UBE2R2: variants seen among roughly 807,000 people sequenced by gnomAD.
The protein encoded by UBE2R2 is ubiquitin-conjugating enzyme E2 R2.
In UBE2R2, 1 loss-of-function variant was observed where a neutral mutation model predicts 27.8. That is an observed-to-expected ratio of 0.04 (90% confidence interval 0.01 to 0.17). The LOEUF (loss-of-function observed/expected upper bound fraction) is 0.17. Among genes scored for constraint, UBE2R2 ranks in the 10% least tolerant of loss-of-function variants. UBE2R2 has a pLI of 1.00. For missense variants in UBE2R2, 100 were observed against 291.0 expected, an observed-to-expected ratio of 0.34 and a Z score of 4.78; for synonymous variants, 106 against 113.3, an observed-to-expected ratio of 0.94 and a Z score of 0.41.
intron 2 of UBE2R2, among the ~76,000 whole-genome samples, chr9:33,896,173 G>T (rs894489530): frequency 2.6e-5 from 4 of 152,018 alleles, no homozygotes; most frequent in African/African-American, 9.7e-5. Context: ...ACTGAGTTTT[G>T]ATTATGTATC....
chr9:33,900,998 C>T (rs904328493), intron 3 of UBE2R2, among the ~76,000 whole-genome samples: 1 of 152,150 alleles, frequency 6.6e-6, no homozygotes, highest in African/African-American at 2.4e-5. Flanking sequence ...TCCCGTCACC[C>T]AGACTGGTGT....
chr9:33,873,045 G>A (rs1207573517), intron 1 of UBE2R2, among the ~76,000 whole-genome samples: 1 of 151,456 alleles, frequency 6.6e-6, no homozygotes, highest in Admixed American at 6.6e-5. Context: ...TGTGGTGGCA[G>A]GCACCTGTAA....
intron 4 of UBE2R2, among the ~76,000 whole-genome samples, chr9:33,915,670 T>G (rs10971790): frequency 0.21 from 31,499 of 152,164 alleles, 3,966 homozygotes; most frequent in East Asian, 0.59. Flanking sequence ...ACAATCAGTA[T>G]TTATTGCACA....
At position 33,903,099 on chromosome 9, in the gene UBE2R2, C is replaced by CA. The variant is rs760691175; in HGVS notation, c.362+2841dup. 9.7e-3 allele frequency among the ~76,000 whole-genome samples: 1,291 copies of CA among 133,368 alleles called. 11 individuals are homozygous for CA. The highest frequency in any genetic ancestry group is 0.015 in the Non-Finnish European group (933 of 60,644). 87.5% of individuals were successfully genotyped at this position (133,368 alleles called of 152,430 possible). On this transcript the variant is annotated intron_variant, in intron 3 of 4. Coordinates refer to ENST00000263228, the MANE Select transcript of UBE2R2 (RefSeq NM_017811.4). The stretch of plus-strand genomic sequence containing the variant: ...GGGCAACAAGAGTGAAACGCTGTCT[C>CA]AAAAAAAAAAAAAGTCTGAGTTTTA...
At chr9:33,890,383 A>G (rs1410695824) in intron 2 of UBE2R2, among the ~76,000 whole-genome samples, 1 of 152,144 alleles carries the variant, frequency 6.6e-6, no homozygotes, top group East Asian at 1.9e-4. Context: ...CCTGGTCAAC[A>G]TGGTGAAACC....
Position 33,895,768 on chromosome 9 carries a change from C to CTTTTTTT in UBE2R2, c.265-4390_265-4384dup, listed in dbSNP as rs776870484. Among the ~76,000 whole-genome samples, 47 of 90,242 alleles carry CTTTTTTT rather than the reference C, an allele frequency of 5.2e-4. 1 individual carries two copies. Among genetic ancestry groups the CTTTTTTT allele is most frequent in the African/African-American group, 5.5e-4 (12 of 21,974 alleles). 59.2% of individuals were successfully genotyped at this position (90,242 alleles called of 152,430 possible). A position where few individuals can be genotyped will look rare whatever the true frequency, so the allele number is the denominator to read the frequency against. ...GACTAGATTTATTCTCTCTCTCTCT[C>CTTTTTTT]TTTTTTTTTTTTTTTTTTTTTTGAG... On this transcript the variant is annotated intron_variant, in intron 2 of 4. Transcript: ENST00000263228.
At chr9:33,899,055 C>A (rs915458049) in intron 2 of UBE2R2, among the ~76,000 whole-genome samples, 26 of 152,152 alleles carry the variant, frequency 1.7e-4, no homozygotes, top group African/African-American at 6.0e-4. Context: ...TTATATAAGT[C>A]ATGGTTATTG....
At chr9:33,871,806 G>A (rs907908391) in intron 1 of UBE2R2, among the ~76,000 whole-genome samples, 4 of 152,184 alleles carry the variant, frequency 2.6e-5, no homozygotes, top group Admixed American at 2.6e-4. Flanking sequence ...CACCTCCTGG[G>A]TTCGAGCAAT....
At chr9:33,896,761 A>T (rs1029727964) in intron 2 of UBE2R2, among the ~76,000 whole-genome samples, 1 of 151,836 alleles carries the variant, frequency 6.6e-6, no homozygotes, top group Non-Finnish European at 1.5e-5. Flanking sequence ...GAGGGTTTTT[A>T]ATAAATGCCC....
chr9:33,836,692 G>A (rs1820620474), intron 1 of UBE2R2, among the ~76,000 whole-genome samples: 1 of 151,956 alleles, frequency 6.6e-6, no homozygotes, highest in Non-Finnish European at 1.5e-5. Flanking sequence ...GGGAGGCAGA[G>A]GATGCAGTGA....
chr9:33,833,189 C>T (rs769877651), intron 1 of UBE2R2, among the ~76,000 whole-genome samples: 27 of 152,140 alleles, frequency 1.8e-4, no homozygotes, highest in Non-Finnish European at 2.9e-4. Context: ...CTCAGCCTCC[C>T]GAGTAGCTGG....
chr9:33,848,179 T>C (rs1306677791), intron 1 of UBE2R2, among the ~76,000 whole-genome samples: 1 of 152,240 alleles, frequency 6.6e-6, no homozygotes, highest in Non-Finnish European at 1.5e-5. Flanking sequence ...TTAAAATTCA[T>C]TCCAAAAAGT....
intron 1 of UBE2R2, among the ~76,000 whole-genome samples, chr9:33,834,192 CT>C (rs144998603): frequency 2.8e-4 from 39 of 141,094 alleles, no homozygotes; most frequent in African/African-American, 5.7e-4. Flanking sequence ...CTTGGAGCTT[CT>C]TTTTTTTTTT....
intron 1 of UBE2R2, among the ~76,000 whole-genome samples, chr9:33,863,531 A>C (rs1039673500): frequency 2.0e-4 from 30 of 152,012 alleles, no homozygotes; most frequent in East Asian, 9.7e-4. Flanking sequence ...CAAAAAACAA[A>C]AAAAAAAAAA....
chr9:33,917,618 A>T lies in UBE2R2; in HGVS notation c.*381A>T. 1 of 380,960 alleles carries T rather than the reference A, an allele frequency of 2.6e-6. No individual in the cohort carries two copies. Among genetic ancestry groups the T allele is most frequent in the South Asian group, 9.6e-5 (1 of 10,380 alleles). 23.6% of individuals were successfully genotyped at this position (380,960 alleles called of 1,614,324 possible). A position where few individuals can be genotyped will look rare whatever the true frequency, so the allele number is the denominator to read the frequency against. ...TCTTTCAAGATGTTTAATGTGTTTA[A>T]AGCTGGGAACCTGTTGGGAGTTCAC... On this transcript the variant is annotated 3_prime_UTR_variant, in exon 5 of 5. Transcript: ENST00000263228.
intron 1 of UBE2R2, among the ~76,000 whole-genome samples, chr9:33,847,560 C>G (rs1311191450): frequency 6.6e-6 from 1 of 152,038 alleles, no homozygotes; most frequent in Non-Finnish European, 1.5e-5. Context: ...CACTGAGCTT[C>G]TTTATCTTTC....
chr9:33,869,423 T>TTTTTTTTATTTATTTA (rs148327191), intron 1 of UBE2R2, among the ~76,000 whole-genome samples: 4 of 146,630 alleles, frequency 2.7e-5, no homozygotes, highest in Non-Finnish European at 6.0e-5. Flanking sequence ...ATATACAATG[T>TTTTTTTTATTTATTTA]TTTATTTATT....
intron 1 of UBE2R2, among the ~76,000 whole-genome samples, chr9:33,881,739 C>T (rs967450396): frequency 2.0e-5 from 3 of 152,184 alleles, no homozygotes; most frequent in Non-Finnish European, 4.4e-5. Flanking sequence ...TTACTTACTA[C>T]ATCATATCAG....
intron 1 of UBE2R2, among the ~76,000 whole-genome samples, chr9:33,841,821 A>G (rs1279699871): frequency 6.6e-6 from 1 of 152,152 alleles, no homozygotes; most frequent in African/African-American, 2.4e-5. Context: ...CGTATATTAC[A>G]CAGTAGTCTC....
Sources: gnomAD v4.1 joint callset for allele counts (sites outside exome capture counted in the v4.1 genomes callset) on GRCh38, gnomAD v4.1.1 for gene constraint, MANE v1.5 for transcripts, NCBI Gene and HGNC (gene_info 2026-07-23, HGNC 2026-07-21) for gene names.